The following CDYL2 variants were observed in gnomAD, a reference collection of about 807,000 sequenced individuals.
The protein encoded by CDYL2 is chromodomain Y like 2.
In CDYL2, 23 loss-of-function variants were observed where a neutral mutation model predicts 49.4. The observed-to-expected ratio is 0.47, with a 90% confidence interval of 0.34 to 0.66. The LOEUF (loss-of-function observed/expected upper bound fraction) is 0.66, where lower values mean the gene tolerates loss of function less well. CDYL2 is among the 30% of genes least tolerant of loss of function. The pLI is 0.01. For missense variants in CDYL2, 678 were observed against 656.4 expected, an observed-to-expected ratio of 1.03 and a Z score of -0.36; for synonymous variants, 360 against 268.8, an observed-to-expected ratio of 1.34 and a Z score of -3.32.
intron 1 of CDYL2, among the ~76,000 whole-genome samples, chr16:80,788,402 C>T (rs1907503318): frequency 6.6e-6 from 1 of 152,212 alleles, no homozygotes; most frequent in South Asian, 2.1e-4. Flanking sequence ...CCTTTACACA[C>T]CAAAGCTGCC....
intron 2 of CDYL2, among the ~76,000 whole-genome samples, chr16:80,660,151 AT>A (rs1219421014): frequency 6.6e-6 from 1 of 152,134 alleles, no homozygotes; most frequent in Non-Finnish European, 1.5e-5. Flanking sequence ...CACCAAGAAA[AT>A]TTATCTACCA....
At chr16:80,760,188 G>A (rs1292066518) in intron 1 of CDYL2, among the ~76,000 whole-genome samples, 1 of 152,156 alleles carries the variant, frequency 6.6e-6, no homozygotes, top group Non-Finnish European at 1.5e-5. Context: ...ATTGTGCGAG[G>A]CAAGGCACAC....
intron 4 of CDYL2, among the ~76,000 whole-genome samples, chr16:80,618,722 C>T (rs1042855970): frequency 3.3e-5 from 5 of 152,280 alleles, no homozygotes; most frequent in African/African-American, 9.6e-5. Flanking sequence ...CTGGGAGTCC[C>T]ACCTTGCCTG....
At chr16:80,734,649 T>C (rs1905453044) in intron 1 of CDYL2, among the ~76,000 whole-genome samples, 1 of 151,416 alleles carries the variant, frequency 6.6e-6, no homozygotes, top group South Asian at 2.1e-4. Context: ...TTCAAGGGGG[T>C]TTACTGCATA....
intron 2 of CDYL2, among the ~76,000 whole-genome samples, chr16:80,659,416 C>G (rs1487917958): frequency 6.6e-6 from 1 of 151,872 alleles, no homozygotes; most frequent in Non-Finnish European, 1.5e-5. Flanking sequence ...TGAATGTGGG[C>G]TAAAATAAAA....
intron 1 of CDYL2, among the ~76,000 whole-genome samples, chr16:80,745,112 G>A (rs1241547778): frequency 2.6e-5 from 4 of 152,152 alleles, no homozygotes; most frequent in South Asian, 2.1e-4. Context: ...ACTCCCCCAC[G>A]CTGGGGGCAG....
chr16:80,803,224 C>T (rs948808204), intron 1 of CDYL2, among the ~76,000 whole-genome samples: 1 of 152,204 alleles, frequency 6.6e-6, no homozygotes, highest in African/African-American at 2.4e-5. Context: ...GGGTGTTCCT[C>T]CATTGTTTGA....
chr16:80,759,162 A>ATATATATATATTGTTTT (rs1567597575), intron 1 of CDYL2, among the ~76,000 whole-genome samples: 1 of 118,518 alleles, frequency 8.4e-6, no homozygotes, highest in South Asian at 2.6e-4. Context: ...TATATGGTTT[A>ATATATATATATTGTTTT]TATATATATA....
intron 1 of CDYL2, among the ~76,000 whole-genome samples, chr16:80,704,800 G>C (rs554414001): frequency 6.6e-6 from 1 of 152,344 alleles, no homozygotes; most frequent in African/African-American, 2.4e-5. Flanking sequence ...CGTGGCTGAA[G>C]CCAAAAGGGA....
chr16:80,733,333 G>C (rs1905399832), intron 1 of CDYL2, among the ~76,000 whole-genome samples: 1 of 152,218 alleles, frequency 6.6e-6, no homozygotes, highest in Non-Finnish European at 1.5e-5. Context: ...GATGGAATGA[G>C]TTGGAAATCA....
chr16:80,692,358 A>T (rs1910450489), intron 1 of CDYL2, among the ~76,000 whole-genome samples: 2 of 152,234 alleles, frequency 1.3e-5, no homozygotes, highest in Non-Finnish European at 2.9e-5. Flanking sequence ...AGCAATAAAT[A>T]TTCTGAACTC....
At chr16:80,729,332 C>T (rs1252162976) in intron 1 of CDYL2, among the ~76,000 whole-genome samples, 2 of 151,728 alleles carry the variant, frequency 1.3e-5, no homozygotes, top group South Asian at 2.1e-4. Flanking sequence ...TTTAAACCAA[C>T]AAAGATCAAA....
intron 2 of CDYL2, among the ~76,000 whole-genome samples, chr16:80,673,908 T>C (rs1193128276): frequency 6.6e-6 from 1 of 151,938 alleles, no homozygotes; most frequent in Non-Finnish European, 1.5e-5. Flanking sequence ...GATGTGAGGA[T>C]GGATGCAAAG....
Position 80,742,986 on chromosome 16 carries a change from G to A in CDYL2, c.25-57857C>T, listed in dbSNP as rs1015692647. ...AATGGGTGGATGAATCGATAGGTGA[G>A]TACAAAGATGAATAAATGTATGGAT... is the stretch of plus-strand genomic sequence containing the variant. On this transcript the variant is annotated intron_variant, in intron 1 of 6. Coordinates refer to ENST00000570137, the MANE Select transcript of CDYL2 (RefSeq NM_152342.4). Among the ~76,000 whole-genome samples, 13 of 114,160 alleles carry A rather than the reference G, an allele frequency of 1.1e-4. 1 individual carries two copies. The highest frequency in any genetic ancestry group is 5.5e-4 in the Admixed American group (4 of 7,336). The allele number at this position is 114,160 out of a possible 152,430, so 74.9% of individuals were successfully genotyped here.
At chr16:80,782,145 G>A (rs1907289540) in intron 1 of CDYL2, among the ~76,000 whole-genome samples, 2 of 151,198 alleles carry the variant, frequency 1.3e-5, no homozygotes, top group Admixed American at 6.6e-5. Context: ...AAATGAAGAA[G>A]GCTCAATGAG....
intron 4 of CDYL2, among the ~76,000 whole-genome samples, chr16:80,613,394 T>C (rs1332509357): frequency 1.3e-5 from 2 of 152,164 alleles, no homozygotes; most frequent in Non-Finnish European, 2.9e-5. Context: ...GACTTCAAGC[T>C]TCAGATGGTG....
intron 1 of CDYL2, among the ~76,000 whole-genome samples, chr16:80,690,270 T>C (rs1298590977): frequency 6.6e-6 from 1 of 152,014 alleles, no homozygotes; most frequent in African/African-American, 2.4e-5. Context: ...GAAAGGACAA[T>C]TTAAACTGAC....
At chr16:80,621,136 C>T (rs1295290168) in intron 3 of CDYL2, among the ~76,000 whole-genome samples, 3 of 152,220 alleles carry the variant, frequency 2.0e-5, no homozygotes. Flanking sequence ...CAAAGCCCTC[C>T]AGCACCATCC....
rs553651777 is a variant in CDYL2, at chr16:80,612,830, A to G, written c.1014T>C (p.Phe338=). The change falls in exon 5 of 7, where the codon TTT becomes TTC. Residue 338 remains phenylalanine, a synonymous_variant. Coordinates refer to ENST00000570137, the MANE Select transcript of CDYL2 (RefSeq NM_152342.4). This position sits in a 1 kb window ranked among gnomAD's most constrained non-coding sequence, Gnocchi z 5.0. ...STRIAEAIRD[F]VKAFIQFKKP... Reference sequence around the variant, plus strand: ...TCTTAAACTGGATAAAGGCCTTCACAAAGTCCCTGGGAGAGAAAGAAGATC... The same window carrying G: ...TCTTAAACTGGATAAAGGCCTTCACGAAGTCCCTGGGAGAGAAAGAAGATC... 6.8e-6 allele frequency: 11 copies of G among 1,610,116 alleles called. No individual in the cohort carries two copies. In the South Asian group the frequency reaches 1.1e-4, roughly 16 times the overall value.
Sources: allele counts gnomAD v4.1 joint callset (sites outside exome capture counted in the v4.1 genomes callset), GRCh38; gene constraint gnomAD v4.1.1; non-coding constraint Gnocchi (gnomAD v3.1); transcripts MANE v1.5; gene names NCBI Gene and HGNC (gene_info 2026-07-23, HGNC 2026-07-21).